Variants in TBX15 observed in about 807,000 individuals in gnomAD.
The protein encoded by TBX15 is T-box transcription factor 15.
TBX15 carries 18 observed loss-of-function variants against 53.9 expected under a neutral mutation model. The ratio of observed to expected loss-of-function variants is 0.33; its 90% CI spans 0.23 to 0.49. The LOEUF (loss-of-function observed/expected upper bound fraction) is 0.49, where lower values mean the gene tolerates loss of function less well. TBX15 is among the 20% of genes least tolerant of loss of function. The pLI is 0.98. For synonymous variants in TBX15, 295 were observed against 278.0 expected (o/e 1.06, Z -0.61); for missense variants, 692 against 749.5 (o/e 0.92, Z 0.90).
intron 1 of TBX15, among the ~76,000 whole-genome samples, chr1:118,971,354 G>A (rs1657231027): frequency 6.6e-6 from 1 of 152,144 alleles, no homozygotes; most frequent in African/African-American, 2.4e-5. Context: ...TGACTGGCAG[G>A]CACCTCATGC....
chr1:118,907,249 A>G (rs1342335664), intron 6 of TBX15, among the ~76,000 whole-genome samples: 1 of 152,172 alleles, frequency 6.6e-6, no homozygotes, highest in Non-Finnish European at 1.5e-5. Flanking sequence ...GCTAGGAGTA[A>G]GGGTAAAGCC....
chr1:118,942,638 C>T (rs1209343910), intron 1 of TBX15, among the ~76,000 whole-genome samples: 2 of 152,144 alleles, frequency 1.3e-5, no homozygotes, highest in African/African-American at 4.8e-5. Context: ...TGACTGTGAG[C>T]TGTGTCAAAC....
chr1:118,926,538 T>C lies in TBX15; in HGVS notation c.493A>G (p.Ile165Val), dbSNP rs200689686. The C allele has an allele frequency of 5.6e-6, 9 of 1,613,804 alleles. No homozygotes were observed. The African/African-American group carries it at 1.1e-4, about 19-fold the overall frequency. The change falls in exon 3 of 8, where the codon ATT becomes GTT. Residue 165 changes from isoleucine to valine, a missense_variant. By Grantham distance (29) the Ile-to-Val change is conservative. This residue lies in a region of TBX15 where 307 missense variants were observed against 347.5 expected (regional missense o/e 0.88). Transcript: ENST00000369429. ...PHQQYYIAMDIVPVDNKRYRY... is the reference protein window; with the variant it reads ...PHQQYYIAMDVVPVDNKRYRY... ...TATCTTTTATTGTCCACAGGCACAA[T>C]GTCCATTGCTATGTAGTACTGCTGA...
intron 1 of TBX15, among the ~76,000 whole-genome samples, chr1:118,964,914 G>A (rs115733164): frequency 6.6e-6 from 1 of 152,316 alleles, no homozygotes; most frequent in African/African-American, 2.4e-5. Context: ...ACCCCCAACT[G>A]CAAGGAAAAC....
intron 1 of TBX15, among the ~76,000 whole-genome samples, chr1:118,934,177 G>T (rs1182750624): frequency 1.3e-5 from 2 of 152,194 alleles, no homozygotes; most frequent in South Asian, 4.1e-4. Context: ...TAACCACAGG[G>T]GGGGCCTAGG....
At chr1:118,922,253 G>GA in intron 5 of TBX15, among the ~76,000 whole-genome samples, 1 of 152,092 alleles carries the variant, frequency 6.6e-6, no homozygotes, top group East Asian at 1.9e-4. Context: ...ATGACATGAC[G>GA]ACAGAGAGAT....
chr1:118,890,710 T>C (rs1654109907), intron 7 of TBX15, among the ~76,000 whole-genome samples: 1 of 152,222 alleles, frequency 6.6e-6, no homozygotes, highest in Non-Finnish European at 1.5e-5. Context: ...TTTGCATCTC[T>C]AAATTGATCA....
intron 2 of TBX15, among the ~76,000 whole-genome samples, chr1:118,927,383 C>A: frequency 6.6e-6 from 1 of 152,050 alleles, no homozygotes; most frequent in East Asian, 1.9e-4. Flanking sequence ...CAGTTTATTG[C>A]AAGTTATCAT....
At chr1:118,936,771 A>G (rs1468850101) in intron 1 of TBX15, among the ~76,000 whole-genome samples, 1 of 152,174 alleles carries the variant, frequency 6.6e-6, no homozygotes, top group South Asian at 2.1e-4. Flanking sequence ...TATTATTATT[A>G]TCTCCATTTT....
chr1:118,967,731 G>A (rs1314954989), intron 1 of TBX15, among the ~76,000 whole-genome samples: 5 of 152,200 alleles, frequency 3.3e-5, no homozygotes, highest in African/African-American at 1.2e-4. Context: ...CAAATGTTGA[G>A]CATAGCTCCC....
chr1:118,988,760 C>CT (rs1331823272), upstream of TBX15, among the ~76,000 whole-genome samples: 7 of 152,236 alleles, frequency 4.6e-5, no homozygotes, highest in Non-Finnish European at 1.0e-4. Context: ...GCGTCAGCCC[C>CT]TAGGTGCTTT....
intron 5 of TBX15, among the ~76,000 whole-genome samples, chr1:118,918,457 C>T (rs547814275): frequency 6.6e-6 from 1 of 152,202 alleles, no homozygotes; most frequent in African/African-American, 2.4e-5. Flanking sequence ...ATTCTATTTG[C>T]TTTCACTGGA....
chr1:118,972,810 G>C (rs1657274500), intron 1 of TBX15, among the ~76,000 whole-genome samples: 1 of 152,110 alleles, frequency 6.6e-6, no homozygotes, highest in African/African-American at 2.4e-5. Flanking sequence ...ATGTTGGCCA[G>C]GTTGGTCTTG....
At chr1:118,951,383 G>C (rs1390538379) in intron 1 of TBX15, among the ~76,000 whole-genome samples, 1 of 152,212 alleles carries the variant, frequency 6.6e-6, no homozygotes, top group Non-Finnish European at 1.5e-5. Flanking sequence ...TCTCTCCTAA[G>C]AAATAGAGAT....
At chr1:118,929,124 C>G (rs953096996) in intron 2 of TBX15, among the ~76,000 whole-genome samples, 2 of 152,160 alleles carry the variant, frequency 1.3e-5, no homozygotes, top group Admixed American at 6.5e-5. Flanking sequence ...GTCTTCTAAA[C>G]CCATTAATCC....
chr1:118,904,453 T>TA (rs1654744962), intron 6 of TBX15, among the ~76,000 whole-genome samples: 2 of 152,144 alleles, frequency 1.3e-5, no homozygotes, highest in African/African-American at 4.8e-5. Flanking sequence ...GCAAATTGAC[T>TA]AAAAACCTAA....
chr1:118,914,251 A>G, intron 5 of TBX15, 72 bp from the exon 6 acceptor site: 1 of 1,366,302 alleles, frequency 7.3e-7, no homozygotes, highest in Non-Finnish European at 1.0e-6. Context: ...CTAGAAAATT[A>G]CAAAAATCAC....
chr1:118,914,512 G>T (rs1463253604), intron 5 of TBX15, among the ~76,000 whole-genome samples: 1 of 152,132 alleles, frequency 6.6e-6, no homozygotes, highest in African/African-American at 2.4e-5. Flanking sequence ...TCACGTCCAT[G>T]GTACATGACA....
At position 118,883,322 on chromosome 1, in the gene TBX15, A is replaced by T. The variant is rs1266607583; in HGVS notation, c.*1410T>A. The T allele has an allele frequency of 6.6e-6, 1 of 152,620 alleles. No homozygotes were observed. The highest frequency in any genetic ancestry group is 1.5e-5 in the Non-Finnish European group (1 of 68,036). 9.5% of individuals were successfully genotyped at this position (152,620 alleles called of 1,614,324 possible). A position where few individuals can be genotyped will look rare whatever the true frequency, so the allele number is the denominator to read the frequency against. ...CCATTTAAAAATTTTAGCTTGCACC[A>T]AGCTTCACTTGCTTTCTTACCATTA... On this transcript the variant is annotated 3_prime_UTR_variant, in exon 8 of 8. Transcript: ENST00000369429.
Sources: allele counts gnomAD v4.1 joint callset (sites outside exome capture counted in the v4.1 genomes callset), GRCh38; gene constraint gnomAD v4.1.1; regional missense constraint gnomAD v4.1.1; transcripts MANE v1.5; gene names NCBI Gene and HGNC (gene_info 2026-07-23, HGNC 2026-07-21).